The following TMEM71 variants were observed in gnomAD, a reference collection of about 807,000 sequenced individuals.
TMEM71 encodes the protein transmembrane protein 71.
Under a neutral mutation model 38.0 loss-of-function variants are expected in TMEM71, and 44 were observed. That is an observed-to-expected ratio of 1.16 (90% CI 0.91 to 1.49). The LOEUF is 1.49. Among genes scored for constraint, TMEM71 ranks in the 40% most tolerant of loss-of-function variants. The pLI is 0.00. For missense variants in TMEM71, 367 were observed against 348.6 expected, an observed-to-expected ratio of 1.05 and a Z score of -0.42; for synonymous variants, 133 against 122.5, an observed-to-expected ratio of 1.09 and a Z score of -0.56.
chr8:132,739,499 G>T (rs1280013671), intron 5 of TMEM71, among the ~76,000 whole-genome samples: 1 of 152,080 alleles, frequency 6.6e-6, no homozygotes, highest in African/African-American at 2.4e-5. Context: ...TTTTAGTAGA[G>T]ACGGGGTTTC....
the TMEM71 span, among the ~76,000 whole-genome samples, chr8:132,766,723 G>A: frequency 4.6e-5 from 7 of 151,522 alleles, no homozygotes; most frequent in East Asian, 1.9e-4. Flanking sequence ...CAAGAGAGGC[G>A]GAGGTGGCAG....
intron 5 of TMEM71, among the ~76,000 whole-genome samples, chr8:132,730,634 A>G (rs1411657612): frequency 6.6e-6 from 1 of 152,186 alleles, no homozygotes; most frequent in Admixed American, 6.5e-5. Context: ...GAAGACCTGT[A>G]AAATTTGTGT....
intron 5 of TMEM71, among the ~76,000 whole-genome samples, chr8:132,729,455 A>G (rs534010240): frequency 1.3e-5 from 2 of 152,340 alleles, no homozygotes; most frequent in Admixed American, 1.3e-4. Context: ...AATTCGTGCC[A>G]GTTTAGAGCT....
At chr8:132,763,766 T>C (rs917530226), upstream of TMEM71, among the ~76,000 whole-genome samples, 13 of 152,168 alleles carry the variant, frequency 8.5e-5, no homozygotes, top group Admixed American at 5.9e-4. Flanking sequence ...TCACAGAGGA[T>C]CTTACAGAAG....
chr8:132,722,289 T>C (rs921777358), intron 6 of TMEM71, among the ~76,000 whole-genome samples, 174 bp from the exon 7 acceptor site: 4 of 152,192 alleles, frequency 2.6e-5, no homozygotes, highest in Admixed American at 6.5e-5. Context: ...CCTACTGTTA[T>C]ACAGGGCTGT....
intron 9 of TMEM71, among the ~76,000 whole-genome samples, chr8:132,711,944 T>C (rs1826259197): frequency 6.6e-6 from 1 of 152,192 alleles, no homozygotes; most frequent in Non-Finnish European, 1.5e-5. Context: ...TGATTCTCGA[T>C]ATTAATAACC....
intron 4 of TMEM71, among the ~76,000 whole-genome samples, chr8:132,750,226 G>A (rs1828629204): frequency 6.6e-6 from 1 of 152,126 alleles, no homozygotes; most frequent in South Asian, 2.1e-4. Flanking sequence ...TAGAAATCAT[G>A]TGAGAAACAT....
chr8:132,754,119 C>A (rs944593646), intron 3 of TMEM71, among the ~76,000 whole-genome samples: 2 of 152,252 alleles, frequency 1.3e-5, no homozygotes, highest in Middle Eastern at 3.4e-3. Flanking sequence ...TAGAACCCAG[C>A]CCTTTAGGTG....
chr8:132,718,389 G>A (rs1826650282), intron 7 of TMEM71, among the ~76,000 whole-genome samples: 1 of 146,548 alleles, frequency 6.8e-6, no homozygotes, highest in African/African-American at 2.6e-5. Flanking sequence ...CCCTACCTGG[G>A]GATTTTCTCT....
At chr8:132,733,643 C>T (rs1586793489) in intron 5 of TMEM71, among the ~76,000 whole-genome samples, 1 of 152,162 alleles carries the variant, frequency 6.6e-6, no homozygotes, top group Non-Finnish European at 1.5e-5. Flanking sequence ...AAAGGAGTGA[C>T]AGAAAATGAA....
At chr8:132,762,806 T>C (rs1264287493), upstream of TMEM71, among the ~76,000 whole-genome samples, 1 of 152,194 alleles carries the variant, frequency 6.6e-6, no homozygotes, top group Non-Finnish European at 1.5e-5. Context: ...CCAACGTGTG[T>C]CAGCATTTTC....
chr8:132,706,212 A>G (rs1826092430), downstream of TMEM71, among the ~76,000 whole-genome samples: 1 of 152,162 alleles, frequency 6.6e-6, no homozygotes, highest in Admixed American at 6.5e-5. Context: ...CACTGAATCT[A>G]CAGTATTTTC....
intron 5 of TMEM71, among the ~76,000 whole-genome samples, chr8:132,744,924 T>C (rs921298870): frequency 6.6e-6 from 1 of 152,074 alleles, no homozygotes; most frequent in Non-Finnish European, 1.5e-5. Flanking sequence ...AAAATAGCAA[T>C]AGGGAAAGGA....
chr8:132,721,469 A>G lies in TMEM71; in HGVS notation c.752+571T>C, dbSNP rs1174492566. Among the ~76,000 whole-genome samples the G allele has an allele frequency of 4.0e-5, 6 of 151,744 alleles. No homozygotes were observed. In the East Asian group the frequency reaches 1.2e-3, roughly 29 times the overall value. On this transcript the variant is annotated intron_variant, in intron 7 of 9. Coordinates refer to ENST00000677595, the MANE Select transcript of TMEM71 (RefSeq NM_001382403.1). The stretch of plus-strand genomic sequence containing the variant: ...GCCACTTCTCTTTGGAGAAAAAGCA[A>G]TCCACTGTAAAATACAATTTTAAGC...
chr8:132,732,849 C>G (rs1303449272), intron 5 of TMEM71, among the ~76,000 whole-genome samples: 1 of 152,112 alleles, frequency 6.6e-6, no homozygotes, highest in Admixed American at 6.5e-5. Context: ...GCCAGGGATG[C>G]TATTAAACAC....
Position 132,710,905 on chromosome 8 carries a change from A to G in TMEM71, c.*62T>C. ...AACACTTGATTCCAAGTAGACTGCA[A>G]GTTGGACAATTTCCAGATATTCAGA... On this transcript the variant is annotated 3_prime_UTR_variant, in exon 10 of 10. Transcript: ENST00000677595. 1.3e-6 allele frequency: 2 copies of G among 1,520,738 alleles called. No homozygotes were observed. The highest frequency in any genetic ancestry group is 9.1e-7 in the Non-Finnish European group (1 of 1,097,480). 94.2% of individuals were successfully genotyped at this position (1,520,738 alleles called of 1,614,324 possible).
chr8:132,736,361 G>A (rs976287432), intron 5 of TMEM71, among the ~76,000 whole-genome samples: 2 of 152,170 alleles, frequency 1.3e-5, no homozygotes, highest in African/African-American at 4.8e-5. Context: ...TGGAGCAGCA[G>A]TAACCACTGA....
chr8:132,746,739 G>A (rs1013753449), intron 5 of TMEM71, among the ~76,000 whole-genome samples: 19 of 151,932 alleles, frequency 1.3e-4, no homozygotes, highest in African/African-American at 4.6e-4. Flanking sequence ...ATTTACATTA[G>A]GCTATTTTGC....
chr8:132,739,995 G>A (rs1293767932), intron 5 of TMEM71, among the ~76,000 whole-genome samples: 2 of 152,032 alleles, frequency 1.3e-5, no homozygotes, highest in African/African-American at 2.4e-5. Flanking sequence ...TCCTAATAGC[G>A]GACATCTAAT....
Sources: gnomAD v4.1 joint callset for allele counts (sites outside exome capture counted in the v4.1 genomes callset) on GRCh38, gnomAD v4.1.1 for gene constraint, MANE v1.5 for transcripts, NCBI Gene and HGNC (gene_info 2026-07-23, HGNC 2026-07-21) for gene names.